SNX18: variants seen among roughly 807,000 people sequenced by gnomAD.
SNX18 encodes sorting nexin 18, also known as sorting nexin-18.
A neutral mutation model predicts 48.7 loss-of-function variants in SNX18; 35 were observed. The ratio of observed to expected loss-of-function variants is 0.72; its 90% CI spans 0.55 to 0.95. SNX18 has a LOEUF of 0.95. Ranked by LOEUF, SNX18 falls within the 40% of genes least tolerant of loss-of-function variation. The pLI is 0.00. For synonymous variants in SNX18, 492 were observed against 384.7 expected (o/e 1.28, Z -3.26); for missense variants, 824 against 871.0 (o/e 0.95, Z 0.68).
chr5:54,551,699 C>T, the SNX18 span, among the ~76,000 whole-genome samples: 2 of 152,154 alleles, frequency 1.3e-5, no homozygotes, highest in African/African-American at 2.4e-5. Context: ...CCACAGCTTG[C>T]GATCTTAATT....
chr5:54,595,845 A>G, the SNX18 span, among the ~76,000 whole-genome samples: 1 of 152,172 alleles, frequency 6.6e-6, no homozygotes, highest in Non-Finnish European at 1.5e-5. Context: ...GAGAGATTCC[A>G]TTCCTTGCCT....
the SNX18 span, among the ~76,000 whole-genome samples, chr5:54,596,887 C>T: frequency 2.0e-5 from 3 of 152,250 alleles, no homozygotes; most frequent in South Asian, 6.2e-4. Context: ...GTATCTGGGA[C>T]TGGTGACCAG....
intron 1 of SNX18, among the ~76,000 whole-genome samples, chr5:54,529,261 A>C (rs1762206006): frequency 6.6e-6 from 1 of 152,124 alleles, no homozygotes; most frequent in East Asian, 1.9e-4. Flanking sequence ...AGAAGTACAA[A>C]ATGGCCTGCA....
chr5:54,599,519 G>T, the SNX18 span, among the ~76,000 whole-genome samples: 7,662 of 152,120 alleles, frequency 0.05, 257 homozygotes, highest in Non-Finnish European at 0.078. Flanking sequence ...AGCCCATATA[G>T]CCAAGTCAAT....
chr5:54,607,377 C>T, the SNX18 span, among the ~76,000 whole-genome samples: 2 of 152,190 alleles, frequency 1.3e-5, no homozygotes, highest in Non-Finnish European at 2.9e-5. Flanking sequence ...GAAGCTTTCC[C>T]AGCTGTCTCC....
chr5:54,521,944 C>G (rs1762040355), intron 1 of SNX18, among the ~76,000 whole-genome samples: 2 of 152,110 alleles, frequency 1.3e-5, no homozygotes, highest in Admixed American at 6.5e-5. Context: ...TTCATTAAAA[C>G]CAGTATCATT....
At chr5:54,550,984 T>C (rs1762647962), downstream of SNX18, among the ~76,000 whole-genome samples, 1 of 152,128 alleles carries the variant, frequency 6.6e-6, no homozygotes, top group African/African-American at 2.4e-5. Context: ...AGAAACTTAC[T>C]GTATTCCCTA....
At chr5:54,589,953 C>A in the SNX18 span, among the ~76,000 whole-genome samples, 1 of 152,196 alleles carries the variant, frequency 6.6e-6, no homozygotes, top group Non-Finnish European at 1.5e-5. Context: ...CCATGACCAG[C>A]TAATTTTTAA....
At chr5:54,535,414 G>A (rs966626192) in intron 1 of SNX18, among the ~76,000 whole-genome samples, 1 of 152,226 alleles carries the variant, frequency 6.6e-6, no homozygotes, top group Admixed American at 6.5e-5. Context: ...CAGAATCAGC[G>A]TGGGAATCTA....
the SNX18 span, among the ~76,000 whole-genome samples, chr5:54,591,848 C>CT: frequency 3.9e-5 from 6 of 152,140 alleles, no homozygotes; most frequent in Non-Finnish European, 8.8e-5. Context: ...GGAGAGTCAC[C>CT]CTGACCCCCA....
In SNX18 at chr5:54,518,012, G is replaced by T; in HGVS notation, c.60G>T (p.Ser20=). 1 of 1,547,152 alleles carries T rather than the reference G, an allele frequency of 6.5e-7. No homozygotes were observed. The highest frequency in any genetic ancestry group is 8.7e-7 in the Non-Finnish European group (1 of 1,149,294). The change falls in exon 1 of 2, where the codon TCG becomes TCT. Residue 20 remains serine (S), a synonymous_variant. Coordinates refer to ENST00000381410, the MANE Select transcript of SNX18 (RefSeq NM_001102575.2). Reference sequence around the variant, plus strand: ...GGTCGGAGAACCCAGGAGAGATCTCGCTGCGAGAGCACGAGGTGCTGAGCC... The same window carrying T: ...GGTCGGAGAACCCAGGAGAGATCTCTCTGCGAGAGCACGAGGTGCTGAGCC... The part of the protein sequence containing the change: ...DFRSENPGEI[S]LREHEVLSLC...
intron 1 of SNX18, among the ~76,000 whole-genome samples, chr5:54,531,991 T>G (rs994631289): frequency 6.6e-6 from 1 of 152,210 alleles, no homozygotes; most frequent in Non-Finnish European, 1.5e-5. Flanking sequence ...CACAGTGCAC[T>G]CAGATAGGGT....
chr5:54,535,684 C>T (rs1762340201), intron 1 of SNX18, among the ~76,000 whole-genome samples: 1 of 152,126 alleles, frequency 6.6e-6, no homozygotes, highest in Non-Finnish European at 1.5e-5. Flanking sequence ...GGGTCTTTGC[C>T]ATGAATTAGC....
At chr5:54,556,995 C>CT in the SNX18 span, among the ~76,000 whole-genome samples, 1 of 152,182 alleles carries the variant, frequency 6.6e-6, no homozygotes, top group Non-Finnish European at 1.5e-5. Context: ...TCTGCTTTAT[C>CT]TTTCAAACTG....
Position 54,518,702 on chromosome 5 carries a change from C to A in SNX18, c.750C>A (p.Gly250=). The change falls in exon 1 of 2, where the codon GGC becomes GGA. Residue 250 remains glycine (G), a synonymous_variant. Transcript: ENST00000381410. ...GEAFVLGEAS[G]FVKDGDKLCV... ...CCTTCGTGCTGGGGGAGGCGTCAGGCTTCGTGAAGGACGGGGACAAGCTGT... is the reference window on the plus strand; with the variant it reads ...CCTTCGTGCTGGGGGAGGCGTCAGGATTCGTGAAGGACGGGGACAAGCTGT... 6.3e-7 allele frequency: 1 copy of A among 1,584,464 alleles called. No individual in the cohort carries two copies. Among genetic ancestry groups the A allele is most frequent in the South Asian group, 1.1e-5 (1 of 87,046 alleles).
chr5:54,525,094 GT>G (rs1249264724), intron 1 of SNX18, among the ~76,000 whole-genome samples: 1 of 152,264 alleles, frequency 6.6e-6, no homozygotes, highest in Admixed American at 6.5e-5. Flanking sequence ...GCATGGAGGA[GT>G]TTTGGACAAG....
At chr5:54,598,396 G>A in the SNX18 span, among the ~76,000 whole-genome samples, 122 of 151,718 alleles carry the variant, frequency 8.0e-4, no homozygotes, top group East Asian at 1.9e-3. Flanking sequence ...ATGAGGCCAG[G>A]CCTGATACCA....
the SNX18 span, among the ~76,000 whole-genome samples, chr5:54,631,462 CTCTT>C: frequency 0.085 from 12,968 of 152,244 alleles, 617 homozygotes; most frequent in African/African-American, 0.13. Context: ...CTTTTAACCT[CTCTT>C]TCTGTCAATA....
At position 54,545,162 on chromosome 5, in the gene SNX18, T is replaced by C. The variant is rs1762555408; in HGVS notation, c.*1730T>C. 6.6e-6 allele frequency: 1 copy of C among 152,190 alleles called. No homozygotes were observed. The highest frequency in any genetic ancestry group is 1.5e-5 in the Non-Finnish European group (1 of 68,010). 9.4% of individuals were successfully genotyped at this position (152,190 alleles called of 1,614,324 possible). A position where few individuals can be genotyped will look rare whatever the true frequency, so the allele number is the denominator to read the frequency against. ...GAGCCAGATTTAACATCATGAACAT[T>C]ATGTGGCTTTGTCTTTACTACAGAT... On this transcript the variant is annotated 3_prime_UTR_variant, in exon 2 of 2. Transcript: ENST00000381410.
Sources: allele counts gnomAD v4.1 joint callset (sites outside exome capture counted in the v4.1 genomes callset), GRCh38; gene constraint gnomAD v4.1.1; transcripts MANE v1.5; gene names NCBI Gene and HGNC (gene_info 2026-07-23, HGNC 2026-07-21).